The following ZHX2 variants were observed in gnomAD, a reference collection of about 807,000 sequenced individuals.
The protein encoded by ZHX2 is zinc fingers and homeoboxes protein 2.
Under a neutral mutation model 21.9 loss-of-function variants are expected in ZHX2, and 6 were observed. The observed-to-expected ratio is 0.27, with a 90% confidence interval of 0.15 to 0.54. ZHX2 has a LOEUF of 0.54. Among genes scored for constraint, ZHX2 ranks in the 20% least tolerant of loss-of-function variants. The pLI is 0.95. For missense variants in ZHX2, 908 were observed against 1,090.7 expected (o/e 0.83, Z 2.36); for synonymous variants, 434 against 437.1 (o/e 0.99, Z 0.09).
intron 1 of ZHX2, among the ~76,000 whole-genome samples, chr8:122,838,449 A>T (rs1818550526): frequency 6.6e-6 from 1 of 152,220 alleles, no homozygotes; most frequent in African/African-American, 2.4e-5. Flanking sequence ...GAAAACTGGG[A>T]AAAGAAAACA....
intron 1 of ZHX2, among the ~76,000 whole-genome samples, chr8:122,794,239 A>G (rs746662272): frequency 6.6e-6 from 1 of 151,988 alleles, no homozygotes; most frequent in Non-Finnish European, 1.5e-5. Context: ...ACAAAAGTGA[A>G]TGGAAACTCT....
chr8:122,965,031 C>CTTTTTT (rs140185712), intron 3 of ZHX2, among the ~76,000 whole-genome samples: 1 of 111,534 alleles, frequency 9.0e-6, no homozygotes, highest in African/African-American at 3.2e-5. Context: ...CTTCTCTCTT[C>CTTTTTT]TGTTTTTTTT....
chr8:122,782,653 C>T lies in ZHX2; in HGVS notation c.-283+707C>T, dbSNP rs769009352. Among the ~76,000 whole-genome samples the T allele has an allele frequency of 1.3e-5, 2 of 152,128 alleles. No homozygotes were observed. Among genetic ancestry groups the T allele is most frequent in the Non-Finnish European group, 2.9e-5 (2 of 67,998 alleles). On this transcript the variant is annotated intron_variant, in intron 1 of 3. Transcript: ENST00000314393. The surrounding 1 kb of genome is among the most constrained non-coding windows in gnomAD (Gnocchi z 5.3). The stretch of plus-strand genomic sequence containing the variant: ...GCGGGCGCGCAGCGCGGGCGGCAGC[C>T]GAGCTACCTGGCGGGGGCAGGGCCG...
At chr8:122,821,129 G>C (rs80177606) in intron 1 of ZHX2, among the ~76,000 whole-genome samples, 3,493 of 152,292 alleles carry the variant, frequency 0.023, 128 homozygotes, top group African/African-American at 0.08. Flanking sequence ...ATGTTCTCGC[G>C]AATTCTAGAT....
intron 1 of ZHX2, among the ~76,000 whole-genome samples, chr8:122,801,330 T>C (rs1370347678): frequency 6.6e-6 from 1 of 152,220 alleles, no homozygotes; most frequent in African/African-American, 2.4e-5. Context: ...AATGACTCTT[T>C]CTGTGACATG....
At chr8:122,798,519 A>T (rs151230851) in intron 1 of ZHX2, among the ~76,000 whole-genome samples, 15 of 152,286 alleles carry the variant, frequency 9.8e-5, no homozygotes, top group Non-Finnish European at 1.5e-4. Context: ...CCGGCTGAGC[A>T]CGGTGGCTCA....
rs1813813310 is a variant in ZHX2 at position 122,974,472 on chromosome 8, G to A, written c.*1235G>A. 1 of 151,658 alleles carries A rather than the reference G, an allele frequency of 6.6e-6. No homozygotes were observed. The highest frequency in any genetic ancestry group is 2.4e-5 in the African/African-American group (1 of 41,156). 9.4% of individuals were successfully genotyped at this position (151,658 alleles called of 1,614,324 possible). Reference sequence around the variant, plus strand: ...AATTTTTCTAACTTGTTGCTCATTTGTTGTAACTCAATAAAGCAAAGACTA... The same window carrying A: ...AATTTTTCTAACTTGTTGCTCATTTATTGTAACTCAATAAAGCAAAGACTA... On this transcript the variant is annotated 3_prime_UTR_variant, in exon 4 of 4. Transcript: ENST00000314393.
At chr8:122,915,745 C>G (rs1415913572) in intron 2 of ZHX2, among the ~76,000 whole-genome samples, 1 of 152,210 alleles carries the variant, frequency 6.6e-6, no homozygotes, top group Non-Finnish European at 1.5e-5. Context: ...CAGACTTGTT[C>G]TTTGCTCATT....
At chr8:122,866,532 C>A (rs374855503) in intron 2 of ZHX2, among the ~76,000 whole-genome samples, 1 of 152,300 alleles carries the variant, frequency 6.6e-6, no homozygotes, top group South Asian at 2.1e-4. Flanking sequence ...GTATATGACA[C>A]AAACACAGCG....
At chr8:122,931,316 C>T (rs1328937581) in intron 2 of ZHX2, among the ~76,000 whole-genome samples, 1 of 152,080 alleles carries the variant, frequency 6.6e-6, no homozygotes, top group African/African-American at 2.4e-5. Flanking sequence ...TGCGGTAGGC[C>T]TCATGTTTCT....
intron 2 of ZHX2, among the ~76,000 whole-genome samples, chr8:122,903,577 GA>G (rs1398553715): frequency 6.6e-6 from 1 of 152,176 alleles, no homozygotes; most frequent in Non-Finnish European, 1.5e-5. Context: ...GCCTACAAAT[GA>G]AAGGGACCTC....
intron 1 of ZHX2, among the ~76,000 whole-genome samples, chr8:122,850,639 C>CAAA (rs60682747): frequency 0.2 from 22,701 of 113,666 alleles, 2,352 homozygotes; most frequent in Middle Eastern, 0.33. Flanking sequence ...GACTCTGTCT[C>CAAA]AAAAAAAAAA....
intron 2 of ZHX2, among the ~76,000 whole-genome samples, chr8:122,945,641 G>A (rs1191278972): frequency 6.6e-6 from 1 of 152,094 alleles, no homozygotes; most frequent in Non-Finnish European, 1.5e-5. Flanking sequence ...CATGTAACAT[G>A]CACTTGTCAC....
chr8:122,908,028 C>T (rs1037317952), intron 2 of ZHX2, among the ~76,000 whole-genome samples: 5 of 152,130 alleles, frequency 3.3e-5, no homozygotes, highest in East Asian at 3.9e-4. Context: ...AGAAGACCTG[C>T]GTACATCCTT....
intron 3 of ZHX2, among the ~76,000 whole-genome samples, chr8:122,965,033 G>GT (rs1292545030): frequency 0.039 from 4,789 of 121,812 alleles, 114 homozygotes; most frequent in Non-Finnish European, 0.068. Flanking sequence ...TCTCTCTTCT[G>GT]TTTTTTTTTT....
chr8:122,893,653 A>T (rs1228694834), intron 2 of ZHX2, among the ~76,000 whole-genome samples: 1 of 152,148 alleles, frequency 6.6e-6, no homozygotes, highest in Non-Finnish European at 1.5e-5. Flanking sequence ...TGAATCCTTT[A>T]GCCCCAAGAT....
intron 3 of ZHX2, among the ~76,000 whole-genome samples, chr8:122,965,064 G>C (rs887151415): frequency 1.4e-5 from 2 of 144,436 alleles, no homozygotes; most frequent in Non-Finnish European, 3.0e-5. Flanking sequence ...TCTCACAAGT[G>C]GTCTATCAAT....
In ZHX2 at chr8:122,953,976, G is replaced by A; in HGVS notation, c.2466G>A (p.Leu822=). Residue 822 remains leucine (L), a synonymous_variant, in exon 3 of 4, where the codon CTG becomes CTA. Coordinates refer to ENST00000314393, the MANE Select transcript of ZHX2 (RefSeq NM_014943.5). This position sits in a 1 kb window ranked among gnomAD's most constrained non-coding sequence, Gnocchi z 4.6. The stretch of plus-strand genomic sequence containing the variant: ...CTGCGGCAGAAGGTGTGTCGGAACT[G>A]GCTGAATCAGACTCCGACTGCGTCC... The part of the protein sequence containing the change: ...SQAAAEGVSE[L]AESDSDCVPA... The A allele has an allele frequency of 6.2e-7, 1 of 1,613,250 alleles. No homozygotes were observed. Among genetic ancestry groups the A allele is most frequent in the Non-Finnish European group, 8.5e-7 (1 of 1,179,472 alleles).
chr8:122,891,259 A>C (rs1465395570), intron 2 of ZHX2, among the ~76,000 whole-genome samples: 3 of 138,472 alleles, frequency 2.2e-5, no homozygotes, highest in African/African-American at 5.5e-5. Context: ...TCCTGGTTCA[A>C]TCTTGGTAGA....
Sources: gnomAD v4.1 joint callset for allele counts (sites outside exome capture counted in the v4.1 genomes callset) on GRCh38, gnomAD v4.1.1 for gene constraint, Gnocchi (gnomAD v3.1) non-coding constraint, MANE v1.5 for transcripts, NCBI Gene and HGNC (gene_info 2026-07-23, HGNC 2026-07-21) for gene names.